Variants in C7 observed in about 807,000 individuals in gnomAD.
C7 encodes complement component C7.
A neutral mutation model predicts 104.8 loss-of-function variants in C7; 83 were observed. The observed-to-expected ratio is 0.79, with a 90% confidence interval of 0.66 to 0.95. C7 has a LOEUF of 0.95. Ranked by LOEUF, C7 falls within the 40% of genes least tolerant of loss-of-function variation. The probability of loss-of-function intolerance (pLI) is 0.00; values close to 1 mark genes in which losing one functional copy is unlikely to be tolerated. For synonymous variants in C7, 415 were observed against 360.6 expected (o/e 1.15, Z -1.71); for missense variants, 1,070 against 1,011.2 (o/e 1.06, Z -0.79).
At chr5:40,943,503 A>T (rs186470595) in intron 6 of C7, among the ~76,000 whole-genome samples, 1 of 152,232 alleles carries the variant, frequency 6.6e-6, no homozygotes, top group East Asian at 1.9e-4. Flanking sequence ...GAACTAAAGC[A>T]GCTGAGAGGT....
At chr5:40,963,052 C>T (rs1041211730) in intron 13 of C7, among the ~76,000 whole-genome samples, 2 of 152,092 alleles carry the variant, frequency 1.3e-5, no homozygotes, top group African/African-American at 2.4e-5. Context: ...CCACAGCCAC[C>T]GTAATTCATG....
intron 13 of C7, chr5:40,964,359 T>G: frequency 5.6e-6 from 1 of 179,878 alleles, no homozygotes; most frequent in Non-Finnish European, 1.1e-5. Context: ...TACCTTAATA[T>G]GAAGAGTTGA....
chr5:40,943,807 T>A (rs6451549), intron 6 of C7, among the ~76,000 whole-genome samples: 1,750 of 150,898 alleles, frequency 0.012, 44 homozygotes, highest in African/African-American at 0.041. Flanking sequence ...AATGCTCTAA[T>A]AAAAGATTTG....
intron 15 of C7, among the ~76,000 whole-genome samples, chr5:40,975,200 A>G (rs1437113945): frequency 6.6e-6 from 1 of 151,920 alleles, no homozygotes; most frequent in South Asian, 2.1e-4. Context: ...TACATAACAC[A>G]ACTTGGTTAA....
intron 6 of C7, among the ~76,000 whole-genome samples, chr5:40,943,061 C>A (rs577952550): frequency 6.6e-6 from 1 of 152,370 alleles, no homozygotes; most frequent in African/African-American, 2.4e-5. Context: ...CACGCCCATG[C>A]CTGGCCTAGC....
Position 40,981,381 on chromosome 5 carries a change from T to G in C7, c.2351-11T>G. The G allele has an allele frequency of 1.2e-6, 2 of 1,606,262 alleles. No homozygotes were observed. The highest frequency in any genetic ancestry group is 1.7e-6 in the Non-Finnish European group (2 of 1,176,310). On this transcript the variant is annotated splice_polypyrimidine_tract_variant and intron_variant, in intron 17 of 17. Transcript: ENST00000313164. ...AATGTACCATTAAGCCTCTTTCACT[T>G]ACTTTTCCAGCTGAGAGCAGCAAAT...
chr5:40,914,451 G>A (rs1254891016), intron 1 of C7, among the ~76,000 whole-genome samples: 6 of 152,154 alleles, frequency 3.9e-5, no homozygotes. Flanking sequence ...TTGTTGTAGA[G>A]AAGCTTTTAA....
At chr5:40,915,105 T>C (rs557692530) in intron 1 of C7, among the ~76,000 whole-genome samples, 1 of 152,278 alleles carries the variant, frequency 6.6e-6, no homozygotes, top group Admixed American at 6.5e-5. Context: ...GAATCATTTG[T>C]GCCAGAGTAC....
intron 8 of C7, 135 bp from the exon 9 acceptor site, chr5:40,949,769 A>G: frequency 3.1e-6 from 2 of 639,356 alleles, no homozygotes; most frequent in Non-Finnish European, 5.5e-6. Context: ...AGAGCACTTG[A>G]AAATGTTCAT....
intron 1 of C7, among the ~76,000 whole-genome samples, chr5:40,916,062 C>T (rs1739309607): frequency 6.7e-6 from 1 of 150,076 alleles, no homozygotes; most frequent in Non-Finnish European, 1.5e-5. Context: ...TGAATTGTAT[C>T]TTCTCCATCA....
chr5:40,976,989 G>C (rs1740833379), intron 16 of C7, 149 bp downstream of exon 16: 1 of 620,452 alleles, frequency 1.6e-6, no homozygotes, highest in East Asian at 2.9e-5. Flanking sequence ...TCTGCTGCCT[G>C]TTATTTGTCT....
At chr5:40,979,605 T>C in intron 16 of C7, 120 bp from the exon 17 acceptor site, 2 of 670,058 alleles carry the variant, frequency 3.0e-6, no homozygotes, top group Non-Finnish European at 4.6e-6. Context: ...CCTTTTTTTT[T>C]TTTTTACTGT....
chr5:40,957,747 C>T (rs779082762), intron 10 of C7, among the ~76,000 whole-genome samples: 4 of 143,782 alleles, frequency 2.8e-5, no homozygotes, highest in South Asian at 2.3e-4. Flanking sequence ...TGAGTCATCG[C>T]GCCTGGGCTG....
intron 13 of C7, 72 bp from the exon 14 acceptor site, chr5:40,964,669 A>G: frequency 7.6e-7 from 1 of 1,312,372 alleles, no homozygotes; most frequent in South Asian, 1.3e-5. Flanking sequence ...TAGACTGAAT[A>G]TATGTAAAGA....
intron 2 of C7, among the ~76,000 whole-genome samples, chr5:40,929,156 G>A (rs945323004): frequency 1.3e-5 from 2 of 152,128 alleles, no homozygotes; most frequent in Non-Finnish European, 2.9e-5. Context: ...AATGTGTCAG[G>A]GGCTGTGCTA....
Position 40,911,340 on chromosome 5 carries a change from C to A in C7, c.6+1724C>A, listed in dbSNP as rs1005365706. 3.3e-5 allele frequency among the ~76,000 whole-genome samples: 5 copies of A among 152,210 alleles called. No individual in the cohort carries two copies. In the South Asian group the frequency reaches 1.0e-3, roughly 32 times the overall value. On this transcript the variant is annotated intron_variant, in intron 1 of 17. Transcript: ENST00000313164. The stretch of plus-strand genomic sequence containing the variant: ...CAATGTTTTGGCCCCACAGCCCCCA[C>A]GTGAACTAAATTCAGAGAGACAGTC...
At chr5:40,938,571 T>C (rs1554042092) in intron 6 of C7, among the ~76,000 whole-genome samples, 1 of 152,202 alleles carries the variant, frequency 6.6e-6, no homozygotes, top group Non-Finnish European at 1.5e-5. Context: ...GATATGTATG[T>C]ACTAAATTTT....
intron 6 of C7, among the ~76,000 whole-genome samples, chr5:40,940,291 T>C (rs1195158624): frequency 6.6e-6 from 1 of 152,222 alleles, no homozygotes; most frequent in Non-Finnish European, 1.5e-5. Flanking sequence ...TACTTAACTT[T>C]GATGCTGTGC....
At chr5:40,966,004 A>G (rs1196821972) in intron 14 of C7, among the ~76,000 whole-genome samples, 1 of 151,956 alleles carries the variant, frequency 6.6e-6, no homozygotes, top group Non-Finnish European at 1.5e-5. Context: ...TTCGTTAGCC[A>G]TTGGTTATAT....
Sources: gnomAD v4.1 joint callset for allele counts (sites outside exome capture counted in the v4.1 genomes callset) on GRCh38, gnomAD v4.1.1 for gene constraint, MANE v1.5 for transcripts, NCBI Gene and HGNC (gene_info 2026-07-23, HGNC 2026-07-21) for gene names.